Variants in ITGBL1 observed in about 807,000 individuals in gnomAD.
ITGBL1 encodes the protein integrin subunit beta like 1.
A neutral mutation model predicts 68.5 loss-of-function variants in ITGBL1; 51 were observed. That is an observed-to-expected ratio of 0.74 (90% CI 0.59 to 0.94). The LOEUF (loss-of-function observed/expected upper bound fraction) is 0.94, where lower values mean the gene tolerates loss of function less well. Ranked by LOEUF, ITGBL1 falls within the 40% of genes least tolerant of loss-of-function variation. ITGBL1 has a pLI of 0.00. For missense variants in ITGBL1, 649 were observed against 647.4 expected (o/e 1.00, Z -0.03); for synonymous variants, 209 against 227.3 (o/e 0.92, Z 0.72).
intron 7 of ITGBL1, among the ~76,000 whole-genome samples, chr13:101,654,906 A>C (rs960761939): frequency 2.0e-5 from 3 of 152,190 alleles, no homozygotes; most frequent in African/African-American, 7.2e-5. Context: ...GAACAGGCAG[A>C]TTTCAGTTAG....
rs902280722 is a variant in ITGBL1, at chr13:101,555,610, C to G, written c.317-12089C>G. Among the ~76,000 whole-genome samples the G allele has an allele frequency of 2.0e-5, 3 of 152,034 alleles. No individual in the cohort carries two copies. The South Asian group carries it at 6.2e-4, about 31-fold the overall frequency. ...TAAAATAATACACAGACAACGCACA[C>G]AAGAAAATATATATGCATGTATTTA... On this transcript the variant is annotated intron_variant, in intron 2 of 10. Transcript: ENST00000376180.
chr13:101,679,446 G>C (rs150030253), intron 7 of ITGBL1, among the ~76,000 whole-genome samples: 1 of 152,110 alleles, frequency 6.6e-6, no homozygotes, highest in Non-Finnish European at 1.5e-5. Context: ...ACTGTGTTTC[G>C]AAAGCAGGGC....
chr13:101,709,203 A>C (rs565722661), intron 9 of ITGBL1, among the ~76,000 whole-genome samples: 129 of 150,630 alleles, frequency 8.6e-4, no homozygotes, highest in African/African-American at 3.0e-3. Context: ...GTCTCTACTA[A>C]AAATACAAAA....
intron 2 of ITGBL1, among the ~76,000 whole-genome samples, chr13:101,471,085 T>G (rs9585709): frequency 0.022 from 3,314 of 152,322 alleles, 120 homozygotes; most frequent in African/African-American, 0.075. Flanking sequence ...AAATCTCTTT[T>G]CTGAATTTTG....
At chr13:101,560,665 C>T (rs1278680211) in intron 2 of ITGBL1, among the ~76,000 whole-genome samples, 1 of 152,164 alleles carries the variant, frequency 6.6e-6, no homozygotes, top group Non-Finnish European at 1.5e-5. Context: ...AAAAGTTATG[C>T]ATTACATCCC....
rs530960952 is a variant in ITGBL1, at chr13:101,475,663, G to T, written c.316+21563G>T. Among the ~76,000 whole-genome samples the T allele has an allele frequency of 5.3e-5, 8 of 151,944 alleles. No homozygotes were observed. The South Asian group carries it at 1.7e-3, about 32-fold the overall frequency. ...TCCCAAAGGTCCAGGATAAAGAAAAGATTCTTAAATTAGCAAGAGAAAAGA... is the reference window on the plus strand; with the variant it reads ...TCCCAAAGGTCCAGGATAAAGAAAATATTCTTAAATTAGCAAGAGAAAAGA... On this transcript the variant is annotated intron_variant, in intron 2 of 10. Transcript: ENST00000376180.
At chr13:101,565,335 T>C (rs1258951491) in intron 2 of ITGBL1, among the ~76,000 whole-genome samples, 1 of 152,150 alleles carries the variant, frequency 6.6e-6, no homozygotes, top group Non-Finnish European at 1.5e-5. Flanking sequence ...TTTGTAAATA[T>C]ATATTTATCT....
chr13:101,604,881 T>TACACACACACAC (rs1292236214), intron 7 of ITGBL1, among the ~76,000 whole-genome samples: 3 of 14,276 alleles, frequency 2.1e-4, no homozygotes, highest in Admixed American at 9.5e-4. Flanking sequence ...TATATATATA[T>TACACACACACAC]ATATATACAC....
chr13:101,715,483 A>G (rs772514514), intron 10 of ITGBL1, 80 bp from the exon 11 acceptor site: 2 of 931,700 alleles, frequency 2.1e-6, no homozygotes, highest in Non-Finnish European at 3.5e-6. Context: ...TTCATTGTGG[A>G]CACTTGTGAT....
chr13:101,538,997 A>G (rs952214705), intron 2 of ITGBL1, among the ~76,000 whole-genome samples: 1 of 150,610 alleles, frequency 6.6e-6, no homozygotes, highest in Non-Finnish European at 1.5e-5. Flanking sequence ...GAGCTTTACC[A>G]TCAGTGGTAC....
At position 101,605,521 on chromosome 13, in the gene ITGBL1, G is replaced by C. The variant is rs554571145; in HGVS notation, c.1015+7222G>C. Among the ~76,000 whole-genome samples the C allele has an allele frequency of 1.5e-3, 143 of 94,224 alleles. 7 individuals carry two copies. In the South Asian group the frequency reaches 0.047, roughly 31 times the overall value. The allele number at this position is 94,224 out of a possible 152,430, so 61.8% of individuals were successfully genotyped here. On this transcript the variant is annotated intron_variant, in intron 7 of 10. Transcript: ENST00000376180. The stretch of plus-strand genomic sequence containing the variant: ...ACATGTATATGCGTATACACATATA[G>C]ACATATGTATATGCGTATATATACA...
chr13:101,515,751 C>G (rs1252048427), intron 2 of ITGBL1, among the ~76,000 whole-genome samples: 1 of 151,950 alleles, frequency 6.6e-6, no homozygotes, highest in East Asian at 1.9e-4. Flanking sequence ...TTTAGGAACT[C>G]TTTGAATCTA....
Position 101,457,361 on chromosome 13 carries a change from C to A in ITGBL1, c.316+3261C>A, listed in dbSNP as rs970110846. On this transcript the variant is annotated intron_variant, in intron 2 of 10. Coordinates refer to ENST00000376180, the MANE Select transcript of ITGBL1 (RefSeq NM_004791.3). ...TCAAGTAGGGATAACTATTTTGGCC[C>A]AGCCTCAGGGCAGCTGTATTAGATA... 2.6e-5 allele frequency among the ~76,000 whole-genome samples: 4 copies of A among 152,162 alleles called. No homozygotes were observed. In the East Asian group the frequency reaches 5.8e-4, roughly 22 times the overall value.
chr13:101,620,566 A>G (rs1293822978), intron 7 of ITGBL1, among the ~76,000 whole-genome samples: 1 of 152,100 alleles, frequency 6.6e-6, no homozygotes, highest in Non-Finnish European at 1.5e-5. Context: ...GCATTTCTAT[A>G]CCCTGAAAAG....
At chr13:101,456,769 G>T (rs2048249246) in intron 2 of ITGBL1, among the ~76,000 whole-genome samples, 3 of 152,304 alleles carry the variant, frequency 2.0e-5, no homozygotes, top group East Asian at 1.9e-4. Context: ...ACAAAAATTA[G>T]CTGGGCTTGG....
intron 5 of ITGBL1, among the ~76,000 whole-genome samples, chr13:101,582,439 A>T (rs536496632): frequency 3.3e-5 from 5 of 152,234 alleles, no homozygotes; most frequent in African/African-American, 1.2e-4. Flanking sequence ...GTCTCTATCA[A>T]ATGATTAGCT....
At chr13:101,688,332 A>G (rs2033804735) in intron 7 of ITGBL1, among the ~76,000 whole-genome samples, 2 of 152,126 alleles carry the variant, frequency 1.3e-5, no homozygotes, top group Admixed American at 6.6e-5. Flanking sequence ...CAATTCTTCC[A>G]GGTAACCAAC....
intron 2 of ITGBL1, among the ~76,000 whole-genome samples, chr13:101,530,181 G>C (rs995111255): frequency 6.6e-6 from 1 of 152,098 alleles, no homozygotes; most frequent in Admixed American, 6.6e-5. Flanking sequence ...ACGAAGACTA[G>C]AACAAGTCTT....
chr13:101,520,157 T>C (rs944571023), intron 2 of ITGBL1, among the ~76,000 whole-genome samples: 3 of 152,192 alleles, frequency 2.0e-5, no homozygotes, highest in Non-Finnish European at 4.4e-5. Flanking sequence ...TACTTCTCTT[T>C]CTGTGTTATC....
Sources: gnomAD v4.1 joint callset for allele counts (sites outside exome capture counted in the v4.1 genomes callset) on GRCh38, gnomAD v4.1.1 for gene constraint, MANE v1.5 for transcripts, NCBI Gene and HGNC (gene_info 2026-07-23, HGNC 2026-07-21) for gene names.